PTRH1: variants seen among roughly 807,000 people sequenced by gnomAD.
PTRH1 encodes the protein peptidyl-tRNA hydrolase.
A neutral mutation model predicts 15.7 loss-of-function variants in PTRH1; 13 were observed. The observed-to-expected ratio is 0.83, with a 90% CI of 0.54 to 1.31. The LOEUF (loss-of-function observed/expected upper bound fraction) is 1.31, where lower values mean the gene tolerates loss of function less well. Ranked by LOEUF, PTRH1 falls within the 40% of genes most tolerant of loss-of-function variation. The pLI is 0.00. For synonymous variants in PTRH1, 139 were observed against 136.7 expected (o/e 1.02, Z -0.12); for missense variants, 319 against 296.2 (o/e 1.08, Z -0.56).
intron 1 of PTRH1, among the ~76,000 whole-genome samples, chr9:127,697,847 G>A (rs955367724): frequency 1.3e-5 from 2 of 152,210 alleles, no homozygotes; most frequent in Admixed American, 6.5e-5. Flanking sequence ...TTATGAAGGG[G>A]AAGTGCTCAG....
At chr9:127,709,643 A>G (rs757476136), downstream of PTRH1, 19 of 1,613,692 alleles carry the variant, frequency 1.2e-5, no homozygotes, top group African/African-American at 2.4e-4. This position sits in a 1 kb window ranked among gnomAD's most constrained non-coding sequence, Gnocchi z 4.7. Flanking sequence ...CAGGTGCGCC[A>G]CGAGTTCCAG....
At chr9:127,696,557 A>G (rs1021933798) in intron 1 of PTRH1, among the ~76,000 whole-genome samples, 8 of 152,106 alleles carry the variant, frequency 5.3e-5, no homozygotes, top group Non-Finnish European at 1.0e-4. Context: ...AGAGCCCTCC[A>G]CTATCAGAAA....
intron 1 of PTRH1, among the ~76,000 whole-genome samples, chr9:127,698,768 T>A (rs1051695531): frequency 1.4e-4 from 22 of 152,114 alleles, no homozygotes; most frequent in African/African-American, 4.3e-4. Flanking sequence ...GGATCTAGGG[T>A]GTAATGGTAT....
intron 1 of PTRH1, among the ~76,000 whole-genome samples, chr9:127,699,305 C>T (rs866665129): frequency 1.3e-5 from 2 of 152,278 alleles, no homozygotes; most frequent in African/African-American, 2.4e-5. Context: ...GCCGCCTGCA[C>T]TCCCCTCAAC....
At chr9:127,711,691 T>C (rs928315472), downstream of PTRH1, 8 of 1,212,250 alleles carry the variant, frequency 6.6e-6, no homozygotes, top group Non-Finnish European at 8.0e-6. Flanking sequence ...CCCCATAACT[T>C]ATGGAAGCAG....
Position 127,715,392 on chromosome 9 carries a change from C to A in PTRH1, c.96+152G>T, listed in dbSNP as rs1213452117. On this transcript the variant is annotated intron_variant, in intron 1 of 4. Transcript: ENST00000543175. This position sits in a 1 kb window ranked among gnomAD's most constrained non-coding sequence, Gnocchi z 5.8. ...CAGGCAGGGCGCCCTAGTGCAGGAA[C>A]GGAGCTTCAAGAAGTTTGGAGCCCG... The A allele has an allele frequency of 2.3e-6, 3 of 1,315,116 alleles. No homozygotes were observed. The highest frequency in any genetic ancestry group is 1.5e-5 in the African/African-American group (1 of 68,566). The allele number at this position is 1,315,116 out of a possible 1,614,324, so 81.5% of individuals were successfully genotyped here.
In PTRH1 at chr9:127,714,389, A is replaced by G; in HGVS notation, c.452T>C (p.Leu151Pro). ...AAAGGGTAGACTCACATTGGAGTTGAGGCAGCTAATGCAGGAACGGACTCC... is the reference window on the plus strand; with the variant it reads ...AAAGGGTAGACTCACATTGGAGTTGGGGCAGCTAATGCAGGAACGGACTCC... ...HNGVRSCISCLNSNAMPRLRV... is the reference protein window; with the variant it reads ...HNGVRSCISCPNSNAMPRLRV... The change falls in exon 4 of 5, where the codon CTC (leucine) becomes CCC (proline). Residue 151 changes from leucine to proline, a missense_variant. Coordinates refer to ENST00000543175, the MANE Select transcript of PTRH1 (RefSeq NM_001002913.3). The G allele has an allele frequency of 6.2e-7, 1 of 1,614,210 alleles. No individual in the cohort carries two copies. Among genetic ancestry groups the G allele is most frequent in the Non-Finnish European group, 8.5e-7 (1 of 1,180,030 alleles).
At chr9:127,707,273 G>A in intron 1 of PTRH1, 1 of 1,498,804 alleles carries the variant, frequency 6.7e-7, no homozygotes, top group Non-Finnish European at 9.0e-7. Flanking sequence ...GTTTGGCCAT[G>A]GGGCCTTAGG....
intron 1 of PTRH1, among the ~76,000 whole-genome samples, chr9:127,701,666 A>G (rs1327650903): frequency 6.6e-6 from 1 of 152,196 alleles, no homozygotes; most frequent in African/African-American, 2.4e-5. Flanking sequence ...TAATCCCAGC[A>G]CTTTGGGAGG....
At chr9:127,707,333 C>A in intron 1 of PTRH1, 1 of 790,530 alleles carries the variant, frequency 1.3e-6, no homozygotes, top group Non-Finnish European at 1.9e-6. Context: ...CCGACCCCAG[C>A]CTCATTTCCT....
chr9:127,709,352 G>A (rs1842711425), downstream of PTRH1: 3 of 1,514,258 alleles, frequency 2.0e-6, no homozygotes, highest in African/African-American at 1.4e-5. The surrounding 1 kb of genome is among the most constrained non-coding windows in gnomAD (Gnocchi z 4.7). Flanking sequence ...CCAGGAGAGT[G>A]GGCCCAGCTG....
intron 3 of PTRH1, 22 bp downstream of exon 3, chr9:127,714,581 C>G (rs1389846105): frequency 3.1e-6 from 5 of 1,611,428 alleles, no homozygotes; most frequent in South Asian, 2.2e-5. Flanking sequence ...CTATCCCAAC[C>G]CTGACCATCT....
At position 127,695,437 on chromosome 9, in the gene PTRH1, C is replaced by A. The variant is rs1489930857; in HGVS notation, c.206-296G>T. 3.4e-5 allele frequency: 12 copies of A among 349,194 alleles called. No homozygotes were observed. In the East Asian group the frequency reaches 5.8e-4, roughly 17 times the overall value. The allele number at this position is 349,194 out of a possible 1,614,324, so 21.6% of individuals were successfully genotyped here. A position where few individuals can be genotyped will look rare whatever the true frequency, so the allele number is the denominator to read the frequency against. ...TCCTGGAGGCTACATGGGTAAACAG[C>A]AAACTGTTCTCATAAATGCAGAATG... is the stretch of plus-strand genomic sequence containing the variant. On this transcript the variant is annotated intron_variant, in intron 1 of 2. Transcript: ENST00000335223.
At chr9:127,702,750 C>T (rs1018071664) in intron 1 of PTRH1, among the ~76,000 whole-genome samples, 4 of 151,432 alleles carry the variant, frequency 2.6e-5, no homozygotes, top group African/African-American at 7.3e-5. Context: ...CTTGCTCTGT[C>T]GTCCAGGCTG....
At chr9:127,700,400 C>G (rs577585255) in intron 1 of PTRH1, among the ~76,000 whole-genome samples, 1 of 152,292 alleles carries the variant, frequency 6.6e-6, no homozygotes, top group East Asian at 1.9e-4. Flanking sequence ...TTGGAGCTCT[C>G]TGTACCTTTC....
downstream of PTRH1, chr9:127,713,079 C>T: frequency 1.2e-6 from 2 of 1,613,872 alleles, no homozygotes; most frequent in Non-Finnish European, 1.7e-6. Flanking sequence ...TCTGACATCA[C>T]CCCCTACCAG....
chr9:127,711,463 G>T, downstream of PTRH1: 1 of 1,613,964 alleles, frequency 6.2e-7, no homozygotes, highest in Non-Finnish European at 8.5e-7. Flanking sequence ...ACACCCAGAA[G>T]GTCATGGCCA....
chr9:127,711,317 C>A (rs200523076), downstream of PTRH1: 5 of 1,614,056 alleles, frequency 3.1e-6, no homozygotes, highest in African/African-American at 2.7e-5. Context: ...GACAACCAAG[C>A]GGGCCATCAA....
intron 2 of PTRH1, 50 bp downstream of exon 2, chr9:127,714,925 A>AC: frequency 6.4e-6 from 2 of 313,266 alleles, no homozygotes; most frequent in Non-Finnish European, 1.1e-5. Context: ...CCCGCGCCCC[A>AC]ACCCCCACCC....
Sources: gnomAD v4.1 joint callset for allele counts (sites outside exome capture counted in the v4.1 genomes callset) on GRCh38, gnomAD v4.1.1 for gene constraint, Gnocchi (gnomAD v3.1) non-coding constraint, MANE v1.5 for transcripts, NCBI Gene and HGNC (gene_info 2026-07-23, HGNC 2026-07-21) for gene names.